The following DACH1 variants were observed in gnomAD, a reference collection of about 807,000 sequenced individuals.
DACH1 encodes dachshund homolog 1.
DACH1 carries 12 observed loss-of-function variants against 54.2 expected under a neutral mutation model. That is an observed-to-expected ratio of 0.22 (90% CI 0.14 to 0.36). The LOEUF is 0.36. DACH1 is among the 10% of genes least tolerant of loss of function. DACH1 has a pLI of 1.00. For synonymous variants in DACH1, 386 were observed against 366.2 expected (o/e 1.05, Z -0.62); for missense variants, 805 against 929.8 (o/e 0.87, Z 1.75).
At chr13:71,741,013 A>G (rs1306106256) in intron 1 of DACH1, among the ~76,000 whole-genome samples, 1 of 152,152 alleles carries the variant, frequency 6.6e-6, no homozygotes, top group Non-Finnish European at 1.5e-5. Context: ...ACATCAGCCC[A>G]GTAGCAATAT....
chr13:71,675,856 G>A (rs1232544590), intron 2 of DACH1, among the ~76,000 whole-genome samples: 1 of 152,106 alleles, frequency 6.6e-6, no homozygotes, highest in Admixed American at 6.5e-5. Flanking sequence ...AATGGTGTTT[G>A]TAGCATTTTT....
intron 1 of DACH1, among the ~76,000 whole-genome samples, chr13:71,697,923 T>C (rs904947097): frequency 1.3e-5 from 2 of 152,154 alleles, no homozygotes; most frequent in Admixed American, 1.3e-4. Flanking sequence ...TACAAATGAG[T>C]AAAAAGTCTA....
intron 7 of DACH1, among the ~76,000 whole-genome samples, chr13:71,487,705 A>G (rs1042446178): frequency 5.9e-5 from 9 of 152,214 alleles, no homozygotes; most frequent in African/African-American, 1.9e-4. Context: ...CAATCCATGC[A>G]AATAGCTTTT....
At chr13:71,761,245 T>C (rs1885388361) in intron 1 of DACH1, among the ~76,000 whole-genome samples, 1 of 152,202 alleles carries the variant, frequency 6.6e-6, no homozygotes, top group African/African-American at 2.4e-5. Flanking sequence ...TTTATCCTTC[T>C]TATTAAATAT....
At chr13:71,838,086 C>A (rs1025545787) in intron 1 of DACH1, among the ~76,000 whole-genome samples, 1 of 144,954 alleles carries the variant, frequency 6.9e-6, no homozygotes. Context: ...AACTTCAAAA[C>A]CATGTTGATA....
chr13:71,825,932 C>A (rs890046650), intron 1 of DACH1, among the ~76,000 whole-genome samples: 2 of 152,040 alleles, frequency 1.3e-5, no homozygotes, highest in Non-Finnish European at 2.9e-5. Context: ...ATTCCTGAAG[C>A]CCCTAGTCTA....
chr13:71,709,429 G>A (rs1594122614), intron 1 of DACH1, among the ~76,000 whole-genome samples: 1 of 148,828 alleles, frequency 6.7e-6, no homozygotes, highest in Non-Finnish European at 1.5e-5. Flanking sequence ...AAAATCTTGT[G>A]CTGTCCTGCT....
intron 10 of DACH1, among the ~76,000 whole-genome samples, chr13:71,455,357 GA>G (rs1209514603): frequency 6.6e-6 from 1 of 151,698 alleles, no homozygotes; most frequent in Non-Finnish European, 1.5e-5. Flanking sequence ...GATAGATATA[GA>G]TAGATATATC....
chr13:71,702,692 A>G (rs1360728257), intron 1 of DACH1, among the ~76,000 whole-genome samples: 1 of 152,172 alleles, frequency 6.6e-6, no homozygotes, highest in Non-Finnish European at 1.5e-5. Flanking sequence ...AAAAGGTGGT[A>G]CTGACAACAG....
Position 71,866,546 on chromosome 13 carries a change from C to T in DACH1, c.224G>A (p.Gly75Asp). The T allele has an allele frequency of 8.0e-7, 1 of 1,246,898 alleles. No homozygotes were observed. Among genetic ancestry groups the T allele is most frequent in the South Asian group, 4.0e-5 (1 of 25,036 alleles). 77.2% of individuals were successfully genotyped at this position (1,246,898 alleles called of 1,614,324 possible). A position where few individuals can be genotyped will look rare whatever the true frequency, so the allele number is the denominator to read the frequency against. Residue 75 changes from glycine to aspartate, a missense_variant, in exon 1 of 11, where the codon GGC becomes GAC. By Grantham distance (94) the Gly-to-Asp change is moderately conservative. This residue lies in a region of DACH1 where 305 missense variants were observed against 308.7 expected (regional missense o/e 0.99). Coordinates refer to ENST00000613252, the MANE Select transcript of DACH1 (RefSeq NM_080759.6). ...AAAATVTSTG[G>D]GGGGGGSGGG... ...TCCGCTGCCGCCGCCGCCGCCGCCGCCGCCGGTAGAGGTGACTGTGGCCGC... is the reference window on the plus strand; with the variant it reads ...TCCGCTGCCGCCGCCGCCGCCGCCGTCGCCGGTAGAGGTGACTGTGGCCGC...
chr13:71,826,119 A>G (rs1311979259), intron 1 of DACH1, among the ~76,000 whole-genome samples: 1 of 152,132 alleles, frequency 6.6e-6, no homozygotes, highest in Non-Finnish European at 1.5e-5. Flanking sequence ...GCTTCCCATT[A>G]AAAGTTACAT....
intron 3 of DACH1, among the ~76,000 whole-genome samples, chr13:71,581,545 C>T (rs550391145): frequency 5.7e-4 from 86 of 152,178 alleles, no homozygotes; most frequent in Non-Finnish European, 9.1e-4. Flanking sequence ...TGAGCCACCG[C>T]GCCCAGCCCT....
chr13:71,476,575 C>G (rs1877538481), intron 8 of DACH1, among the ~76,000 whole-genome samples: 1 of 151,954 alleles, frequency 6.6e-6, no homozygotes, highest in African/African-American at 2.4e-5. Flanking sequence ...TATGAACCCC[C>G]ATTGCTAATA....
intron 6 of DACH1, among the ~76,000 whole-genome samples, chr13:71,519,406 T>A (rs1260362635): frequency 6.6e-6 from 1 of 151,810 alleles, no homozygotes; most frequent in Non-Finnish European, 1.5e-5. Flanking sequence ...TGATTGATGA[T>A]GATGAAACAT....
intron 10 of DACH1, among the ~76,000 whole-genome samples, chr13:71,468,999 T>C (rs902671945): frequency 2.6e-5 from 4 of 152,216 alleles, no homozygotes; most frequent in African/African-American, 4.8e-5. Flanking sequence ...AAGCTAACTA[T>C]CTAAAATGAG....
chr13:71,834,642 G>C (rs758252762), intron 1 of DACH1, among the ~76,000 whole-genome samples: 62 of 151,918 alleles, frequency 4.1e-4, no homozygotes, highest in Non-Finnish European at 7.5e-4. Flanking sequence ...GCCTATGTTT[G>C]ACCAATTCTC....
At chr13:71,837,533 T>C (rs9542756) in intron 1 of DACH1, among the ~76,000 whole-genome samples, 9,520 of 152,048 alleles carry the variant, frequency 0.063, 333 homozygotes, top group East Asian at 0.11. Flanking sequence ...ATAGTCAACA[T>C]TGGTAAACCC....
chr13:71,795,264 G>T (rs1886997835), intron 1 of DACH1, among the ~76,000 whole-genome samples: 1 of 152,158 alleles, frequency 6.6e-6, no homozygotes, highest in Non-Finnish European at 1.5e-5. Flanking sequence ...ACGCTGTAAA[G>T]ATAGGAGTAA....
intron 7 of DACH1, among the ~76,000 whole-genome samples, chr13:71,481,037 C>CT (rs1877985725): frequency 6.6e-6 from 1 of 152,166 alleles, no homozygotes; most frequent in African/African-American, 2.4e-5. Context: ...TAGGCTTCTT[C>CT]TTCGTCAGGA....
Sources: gnomAD v4.1 joint callset for allele counts (sites outside exome capture counted in the v4.1 genomes callset) on GRCh38, gnomAD v4.1.1 for gene constraint, gnomAD v4.1.1 regional missense constraint, MANE v1.5 for transcripts, NCBI Gene and HGNC (gene_info 2026-07-23, HGNC 2026-07-21) for gene names.